The following SLC12A6 variants were observed in gnomAD, a reference collection of about 807,000 sequenced individuals.
SLC12A6 encodes the protein K-Cl cotransporter 3.
In SLC12A6, 66 loss-of-function variants were observed where a neutral mutation model predicts 135.3. The ratio of observed to expected loss-of-function variants is 0.49; its 90% CI spans 0.40 to 0.60. SLC12A6 has a LOEUF of 0.60. Among genes scored for constraint, SLC12A6 ranks in the 20% least tolerant of loss-of-function variants. The pLI is 0.00. For synonymous variants in SLC12A6, 513 were observed against 508.8 expected (o/e 1.01, Z -0.11); for missense variants, 1,058 against 1,452.3 (o/e 0.73, Z 4.41).
intron 2 of SLC12A6, among the ~76,000 whole-genome samples, chr15:34,317,012 A>G (rs1048675990): frequency 1.3e-5 from 2 of 152,214 alleles, no homozygotes; most frequent in Non-Finnish European, 2.9e-5. Flanking sequence ...TTACTATCAC[A>G]TTTGGGATTA....
intron 2 of SLC12A6, among the ~76,000 whole-genome samples, chr15:34,285,841 A>T (rs1895035475): frequency 6.6e-6 from 1 of 152,056 alleles, no homozygotes; most frequent in Non-Finnish European, 1.5e-5. Flanking sequence ...AAAGGCAAAT[A>T]CCATATGATT....
At chr15:34,290,289 T>G (rs964239211) in intron 2 of SLC12A6, among the ~76,000 whole-genome samples, 5 of 152,230 alleles carry the variant, frequency 3.3e-5, no homozygotes, top group Admixed American at 3.3e-4. Flanking sequence ...TGCGTGGTTT[T>G]GAGTGAGTTT....
At chr15:34,322,386 A>AT (rs551654248) in intron 2 of SLC12A6, among the ~76,000 whole-genome samples, 69 of 152,114 alleles carry the variant, frequency 4.5e-4, no homozygotes, top group Middle Eastern at 3.4e-3. Flanking sequence ...CGAAAAAAAA[A>AT]CAAAAACAAA....
intron 2 of SLC12A6, among the ~76,000 whole-genome samples, chr15:34,329,609 A>G (rs1172564338): frequency 6.6e-6 from 1 of 152,202 alleles, no homozygotes; most frequent in Non-Finnish European, 1.5e-5. Context: ...AGACCACCGA[A>G]GATCAAAGAC....
chr15:34,239,680 C>A (rs957607944), intron 19 of SLC12A6, among the ~76,000 whole-genome samples: 1 of 151,988 alleles, frequency 6.6e-6, no homozygotes, highest in Admixed American at 6.6e-5. Flanking sequence ...ATTCATGACA[C>A]TTGTATTTGC....
chr15:34,327,773 A>C (rs141769860), intron 2 of SLC12A6, among the ~76,000 whole-genome samples: 1 of 152,326 alleles, frequency 6.6e-6, no homozygotes, highest in African/African-American at 2.4e-5. Flanking sequence ...GGATGTGTAC[A>C]TAAGAGTTTT....
At chr15:34,305,992 A>T (rs1466208153) in intron 2 of SLC12A6, among the ~76,000 whole-genome samples, 1 of 151,646 alleles carries the variant, frequency 6.6e-6, no homozygotes, top group East Asian at 1.9e-4. Context: ...CGATCTCCTG[A>T]CCTCGTGATC....
intron 2 of SLC12A6, among the ~76,000 whole-genome samples, chr15:34,282,390 T>A (rs1220068545): frequency 6.6e-6 from 1 of 152,234 alleles, no homozygotes; most frequent in Non-Finnish European, 1.5e-5. Context: ...ATACCTTGTA[T>A]AATTAGTGTC....
chr15:34,262,291 A>G (rs1386354542), intron 3 of SLC12A6, among the ~76,000 whole-genome samples: 1 of 152,046 alleles, frequency 6.6e-6, no homozygotes, highest in Non-Finnish European at 1.5e-5. Context: ...ACCAATGAGC[A>G]TACACTCCCC....
chr15:34,237,539 C>T lies in SLC12A6; in HGVS notation c.2814G>A (p.Lys938=). 6.2e-7 allele frequency: 1 copy of T among 1,612,506 alleles called. No individual in the cohort carries two copies. The highest frequency in any genetic ancestry group is 8.5e-7 in the Non-Finnish European group (1 of 1,178,864). ...FLLKQHKVWR[K]CSIRIFTVAQ... ...CTACTGTGAAGATCCGTATGCTGCA[C>T]TTTCGCCACACCTGAGAGAGTGACA... The change falls in exon 22 of 26, where the codon AAG becomes AAA. Residue 938 remains lysine (K), a synonymous_variant. Transcript: ENST00000354181.
At chr15:34,335,567 C>T (rs770745052) in intron 2 of SLC12A6, among the ~76,000 whole-genome samples, 15 of 152,166 alleles carry the variant, frequency 9.9e-5, no homozygotes, top group Non-Finnish European at 1.6e-4. Context: ...AGGTCTCAAA[C>T]TTTTAAATTT....
At chr15:34,325,380 T>C (rs541653886) in intron 2 of SLC12A6, among the ~76,000 whole-genome samples, 9 of 152,318 alleles carry the variant, frequency 5.9e-5, no homozygotes, top group African/African-American at 1.9e-4. Context: ...AATGCATCAA[T>C]TACTTTGGTA....
Position 34,257,772 on chromosome 15 carries a change from G to T in SLC12A6, c.560C>A (p.Thr187Asn). The T allele has an allele frequency of 6.2e-7, 1 of 1,606,714 alleles. No homozygotes were observed. ...ACATGGGAGGTAGACACCCATGAAGGTACCCATTTGGGGGGTCTAGAAAGA... is the reference window on the plus strand; with the variant it reads ...ACATGGGAGGTAGACACCCATGAAGTTACCCATTTGGGGGGTCTAGAAAGA... ...KKPTKTPQMG[T>N]FMGVYLPCLQ... The change falls in exon 6 of 26, where the codon ACC (threonine) becomes AAC (asparagine). Residue 187 changes from threonine (T) to asparagine (N), a missense_variant. By Grantham distance (65) the Thr-to-Asn change is moderately conservative (BLOSUM62 0). Around this residue, in one of 6 missense-constraint regions of SLC12A6, gnomAD observed 139 missense variants for 202.2 expected, o/e 0.69. Coordinates refer to ENST00000354181, the MANE Select transcript of SLC12A6 (RefSeq NM_001365088.1).
At chr15:34,236,234 A>G (rs745915034) in intron 23 of SLC12A6, 35 bp from the exon 24 acceptor site, 2 of 1,540,236 alleles carry the variant, frequency 1.3e-6, no homozygotes, top group South Asian at 2.2e-5. Flanking sequence ...TTATTCTACC[A>G]AATTTTCTCT....
intron 2 of SLC12A6, among the ~76,000 whole-genome samples, chr15:34,296,563 T>C (rs1895888952): frequency 6.6e-6 from 1 of 152,190 alleles, no homozygotes; most frequent in African/African-American, 2.4e-5. Flanking sequence ...CCAGGGAAGA[T>C]AATTATCTAA....
intron 2 of SLC12A6, among the ~76,000 whole-genome samples, chr15:34,300,841 A>T (rs925768959): frequency 6.6e-6 from 1 of 151,180 alleles, no homozygotes; most frequent in Admixed American, 6.6e-5. Context: ...GTTTGGGGGC[A>T]TGAGGGGCAG....
chr15:34,245,505 A>C (rs1220273878), intron 14 of SLC12A6, 102 bp from the exon 15 acceptor site: 2 of 890,508 alleles, frequency 2.2e-6, no homozygotes, highest in African/African-American at 3.3e-5. Flanking sequence ...ACAGTGTTAC[A>C]ACTGTGATAC....
Position 34,314,193 on chromosome 15 carries a change from C to A in SLC12A6, c.271+22217G>T, listed in dbSNP as rs143348388. Among the ~76,000 whole-genome samples the A allele has an allele frequency of 3.5e-4, 54 of 152,204 alleles. No individual in the cohort carries two copies. The East Asian group carries it at 7.9e-3, about 22-fold the overall frequency. On this transcript the variant is annotated intron_variant, in intron 2 of 25. Coordinates refer to ENST00000354181, the MANE Select transcript of SLC12A6 (RefSeq NM_001365088.1). ...CTCACAAGTAGCTGGGATTTACAGG[C>A]ATATGCCACCACGCCCAGTTAATTT...
chr15:34,259,289 C>T (rs1444715416), intron 4 of SLC12A6, among the ~76,000 whole-genome samples: 2 of 150,584 alleles, frequency 1.3e-5, no homozygotes, highest in Non-Finnish European at 2.9e-5. Flanking sequence ...TGCAGTGAGC[C>T]GAGATCGCGC....
Sources: gnomAD v4.1 joint callset for allele counts (sites outside exome capture counted in the v4.1 genomes callset) on GRCh38, gnomAD v4.1.1 for gene constraint, gnomAD v4.1.1 regional missense constraint, MANE v1.5 for transcripts, NCBI Gene and HGNC (gene_info 2026-07-23, HGNC 2026-07-21) for gene names.